Variants in ASB18 observed in about 807,000 individuals in gnomAD.
The protein encoded by ASB18 is ankyrin repeat and SOCS box containing 18.
A neutral mutation model predicts 33.4 loss-of-function variants in ASB18; 33 were observed. The observed-to-expected ratio is 0.99, with a 90% CI of 0.75 to 1.32. The LOEUF (loss-of-function observed/expected upper bound fraction) is 1.32. Among genes scored for constraint, ASB18 ranks in the 40% most tolerant of loss-of-function variants. The pLI, the probability that ASB18 is intolerant of heterozygous loss-of-function variation, is 0.00. For synonymous variants in ASB18, 295 were observed against 307.6 expected (o/e 0.96, Z 0.43); for missense variants, 694 against 655.5 (o/e 1.06, Z -0.64).
rs1224749636 is a variant in ASB18 at position 236,214,350 on chromosome 2, A to T, written c.1101+12T>A. On this transcript the variant is annotated intron_variant, in intron 4 of 5. Coordinates refer to ENST00000409749, the MANE Select transcript of ASB18 (RefSeq NM_212556.4). This position sits in a 1 kb window ranked among gnomAD's most constrained non-coding sequence, Gnocchi z 6.5. ...CCAGGGCACGTGCCAGCCGGGCTGGATCCTGCCTTACCTTGGGGAAGGCGT... is the reference window on the plus strand; with the variant it reads ...CCAGGGCACGTGCCAGCCGGGCTGGTTCCTGCCTTACCTTGGGGAAGGCGT... The T allele has an allele frequency of 6.4e-7, 1 of 1,566,552 alleles. No homozygotes were observed. The highest frequency in any genetic ancestry group is 8.6e-7 in the Non-Finnish European group (1 of 1,159,848).
In ASB18 at chr2:236,251,317, CTG is replaced by C. The variant is rs1209813616; in HGVS notation, c.206-9917_206-9916del. On this transcript the variant is annotated intron_variant, in intron 1 of 5. Coordinates refer to ENST00000409749, the MANE Select transcript of ASB18 (RefSeq NM_212556.4). This position sits in a 1 kb window ranked among gnomAD's most constrained non-coding sequence, Gnocchi z 5.3. The stretch of plus-strand genomic sequence containing the variant: ...AGCCCTGGAAGGACATTTATAGACT[CTG>C]GGGACGTTGCTGGAAAGCGTATCAT... Among the ~76,000 whole-genome samples the C allele has an allele frequency of 6.6e-6, 1 of 152,210 alleles. No homozygotes were observed. The highest frequency in any genetic ancestry group is 6.5e-5 in the Admixed American group (1 of 15,284).
At position 236,250,926 on chromosome 2, in the gene ASB18, A is replaced by G. The variant is rs201568360; in HGVS notation, c.206-9524T>C. 6.6e-6 allele frequency among the ~76,000 whole-genome samples: 1 copy of G among 152,228 alleles called. No individual in the cohort carries two copies. Among genetic ancestry groups the G allele is most frequent in the Non-Finnish European group, 1.5e-5 (1 of 68,042 alleles). On this transcript the variant is annotated intron_variant, in intron 1 of 5. Coordinates refer to ENST00000409749, the MANE Select transcript of ASB18 (RefSeq NM_212556.4). This position sits in a 1 kb window ranked among gnomAD's most constrained non-coding sequence, Gnocchi z 4.1. ...CACAGCACACCTCATTTAACAAAAC[A>G]TTAAAACATTTTACTTCCTCAGATC...
intron 4 of ASB18, chr2:236,210,669 G>GA (rs1315110619): frequency 6.6e-6 from 1 of 152,340 alleles, no homozygotes; most frequent in African/African-American, 2.4e-5. Context: ...GGAGGGGCTG[G>GA]AATGTGCTGG....
Position 236,245,697 on chromosome 2 carries a change from T to G in ASB18, c.206-4295A>C, listed in dbSNP as rs1333780037. Among the ~76,000 whole-genome samples the G allele has an allele frequency of 6.6e-6, 1 of 152,170 alleles. No homozygotes were observed. The highest frequency in any genetic ancestry group is 1.9e-4 in the East Asian group (1 of 5,164). On this transcript the variant is annotated intron_variant, in intron 1 of 5. Coordinates refer to ENST00000409749, the MANE Select transcript of ASB18 (RefSeq NM_212556.4). This position sits in a 1 kb window ranked among gnomAD's most constrained non-coding sequence, Gnocchi z 4.7. ...GCGCTCTACTATTACTGCTGGTTCCTTGTCTGTGTCCCACTTCACCATGAG... is the reference window on the plus strand; with the variant it reads ...GCGCTCTACTATTACTGCTGGTTCCGTGTCTGTGTCCCACTTCACCATGAG...
rs547398751 is a variant in ASB18, at chr2:236,217,592, C to T, written c.597-2726G>A. On this transcript the variant is annotated intron_variant, in intron 3 of 5. Coordinates refer to ENST00000409749, the MANE Select transcript of ASB18 (RefSeq NM_212556.4). The surrounding 1 kb of genome is among the most constrained non-coding windows in gnomAD (Gnocchi z 5.2). ...ATCTTTCAGCTTTTCTTTATATTGCCGCTGCTTTTCCTACTATATTAACCT... is the reference window on the plus strand; with the variant it reads ...ATCTTTCAGCTTTTCTTTATATTGCTGCTGCTTTTCCTACTATATTAACCT... Among the ~76,000 whole-genome samples, 10 of 152,046 alleles carry T rather than the reference C, an allele frequency of 6.6e-5. No individual in the cohort carries two copies. The highest frequency in any genetic ancestry group is 9.7e-5 in the African/African-American group (4 of 41,390).
In ASB18 at chr2:236,260,107, C is replaced by A. The variant is rs969047941; in HGVS notation, c.205+4034G>T. 5.3e-5 allele frequency among the ~76,000 whole-genome samples: 8 copies of A among 152,246 alleles called. No homozygotes were observed. Among genetic ancestry groups the A allele is most frequent in the Admixed American group, 5.2e-4 (8 of 15,286 alleles). ...GCAAGAGGCAAGGTCCTCAAGTGAT[C>A]ATGTTAACATGCAGAGCGAATGGTT... On this transcript the variant is annotated intron_variant, in intron 1 of 5. Transcript: ENST00000409749. This position sits in a 1 kb window ranked among gnomAD's most constrained non-coding sequence, Gnocchi z 5.1.
At position 236,225,797 on chromosome 2, in the gene ASB18, A is replaced by AT. The variant is rs530943171; in HGVS notation, c.597-10932dup. 0.19 allele frequency among the ~76,000 whole-genome samples: 28,331 copies of AT among 145,456 alleles called. 2,645 individuals are homozygous for AT. Among genetic ancestry groups the AT allele is most frequent in the South Asian group, 0.25 (1,119 of 4,538 alleles). On this transcript the variant is annotated intron_variant, in intron 3 of 5. Transcript: ENST00000409749. This position sits in a 1 kb window ranked among gnomAD's most constrained non-coding sequence, Gnocchi z 5.1. ...TGCTGGTTGGAAGGAAGCACAGGTA[A>AT]TTTTTTTTTTTTAATCCCAGGAACT...
chr2:236,256,994 A>G lies in ASB18; in HGVS notation c.205+7147T>C, dbSNP rs1317792823. 6.6e-6 allele frequency among the ~76,000 whole-genome samples: 1 copy of G among 152,204 alleles called. No homozygotes were observed. Among genetic ancestry groups the G allele is most frequent in the Admixed American group, 6.5e-5 (1 of 15,288 alleles). Reference sequence around the variant, plus strand: ...TAAAGAGAGGGCTGCTGCAGCAGCCATTTTGTTCCTAAATAATTCAACTAT... The same window carrying G: ...TAAAGAGAGGGCTGCTGCAGCAGCCGTTTTGTTCCTAAATAATTCAACTAT... On this transcript the variant is annotated intron_variant, in intron 1 of 5. Transcript: ENST00000409749. The surrounding 1 kb of genome is among the most constrained non-coding windows in gnomAD (Gnocchi z 4.7).
At chr2:236,261,516 C>T in intron 1 of ASB18, among the ~76,000 whole-genome samples, 1 of 152,234 alleles carries the variant, frequency 6.6e-6, no homozygotes, top group Non-Finnish European at 1.5e-5. Flanking sequence ...GATAAAGTCA[C>T]TGATAACGCG....
In ASB18 at chr2:236,214,913, G is replaced by T. The variant is rs547631783; in HGVS notation, c.597-47C>A. On this transcript the variant is annotated intron_variant, in intron 3 of 5. Transcript: ENST00000409749. The surrounding 1 kb of genome is among the most constrained non-coding windows in gnomAD (Gnocchi z 6.5). ...CACTCGGGCGCCACGCAGGACGCCC[G>T]CACCCTTCCACCCCCGGCCTGCTGC... The T allele has an allele frequency of 5.3e-3, 6,394 of 1,198,474 alleles. 22 individuals carry two copies. Among genetic ancestry groups the T allele is most frequent in the Non-Finnish European group, 6.3e-3 (6,103 of 966,380 alleles). 74.2% of individuals were successfully genotyped at this position (1,198,474 alleles called of 1,614,324 possible). A position where few individuals can be genotyped will look rare whatever the true frequency, so the allele number is the denominator to read the frequency against.
Position 236,249,177 on chromosome 2 carries a change from C to T in ASB18, c.206-7775G>A, listed in dbSNP as rs567827932. The stretch of plus-strand genomic sequence containing the variant: ...CATTGGGACTCTTGGCTTTGTAGAA[C>T]TGAGAGTCCCTCTGAGAACTCCAGA... On this transcript the variant is annotated intron_variant, in intron 1 of 5. Transcript: ENST00000409749. This position sits in a 1 kb window ranked among gnomAD's most constrained non-coding sequence, Gnocchi z 4.6. The T allele has an allele frequency of 6.6e-6, 1 of 152,336 alleles. No individual in the cohort carries two copies. The highest frequency in any genetic ancestry group is 2.1e-4 in the South Asian group (1 of 4,824). The allele number at this position is 152,336 out of a possible 1,614,324, so 9.4% of individuals were successfully genotyped here.
rs1574674379 is a variant in ASB18, at chr2:236,259,148, G to A, written c.205+4993C>T. On this transcript the variant is annotated intron_variant, in intron 1 of 5. Coordinates refer to ENST00000409749, the MANE Select transcript of ASB18 (RefSeq NM_212556.4). The surrounding 1 kb of genome is among the most constrained non-coding windows in gnomAD (Gnocchi z 4.4). ...AAAAGAGGCAAGCACAAATAATGCA[G>A]TTGTTGCTAATATTAAACAGTAGAG... Among the ~76,000 whole-genome samples the A allele has an allele frequency of 2.0e-5, 3 of 152,324 alleles. No individual in the cohort carries two copies. Among genetic ancestry groups the A allele is most frequent in the East Asian group, 1.9e-4 (1 of 5,186 alleles).
rs556009661 is a variant in ASB18 at position 236,236,319 on chromosome 2, A to C, written c.596+1370T>G. ...GATTCCATTTATACAAAATTCTAGA[A>C]AATTCAGACTAAGCCAAGTAATAGA... On this transcript the variant is annotated intron_variant, in intron 3 of 5. Coordinates refer to ENST00000409749, the MANE Select transcript of ASB18 (RefSeq NM_212556.4). Among the ~76,000 whole-genome samples the C allele has an allele frequency of 2.0e-5, 3 of 152,262 alleles. No homozygotes were observed. The East Asian group carries it at 5.8e-4, about 29-fold the overall frequency.
rs182414446 is a variant in ASB18, at chr2:236,256,963, T to C, written c.205+7178A>G. Among the ~76,000 whole-genome samples, 3 of 152,272 alleles carry C rather than the reference T, an allele frequency of 2.0e-5. No individual in the cohort carries two copies. The highest frequency in any genetic ancestry group is 4.4e-5 in the Non-Finnish European group (3 of 68,026). ...TTCTAGGTGGTGGGAGATATTTTTC[T>C]GTATTTAAAGAGAGGGCTGCTGCAG... On this transcript the variant is annotated intron_variant, in intron 1 of 5. Transcript: ENST00000409749. This position sits in a 1 kb window ranked among gnomAD's most constrained non-coding sequence, Gnocchi z 4.7.
chr2:236,245,207 C>T lies in ASB18; in HGVS notation c.206-3805G>A, dbSNP rs1215186136. Among the ~76,000 whole-genome samples, 2 of 152,206 alleles carry T rather than the reference C, an allele frequency of 1.3e-5. No individual in the cohort carries two copies. The highest frequency in any genetic ancestry group is 2.9e-5 in the Non-Finnish European group (2 of 68,044). Reference sequence around the variant, plus strand: ...GCTCAGCTCTGGGGCTGCAGAAGGGCCCATTGGGCTTAGCTCTTGTGGGGT... The same window carrying T: ...GCTCAGCTCTGGGGCTGCAGAAGGGTCCATTGGGCTTAGCTCTTGTGGGGT... On this transcript the variant is annotated intron_variant, in intron 1 of 5. Coordinates refer to ENST00000409749, the MANE Select transcript of ASB18 (RefSeq NM_212556.4). The surrounding 1 kb of genome is among the most constrained non-coding windows in gnomAD (Gnocchi z 4.7).
At position 236,193,832 on chromosome 2, in the gene ASB18, G is replaced by C. The variant is rs1165484536; in HGVS notation, c.*1040C>G. ...TGATTCCTGGGCAAGGCCACTGTCT[G>C]TATGGGTTTTCTCTGGGTGCTCCAG... is the stretch of plus-strand genomic sequence containing the variant. On this transcript the variant is annotated 3_prime_UTR_variant, in exon 6 of 6. Transcript: ENST00000409749. The surrounding 1 kb of genome is among the most constrained non-coding windows in gnomAD (Gnocchi z 5.0). Among the ~76,000 whole-genome samples, 1 of 152,042 alleles carries C rather than the reference G, an allele frequency of 6.6e-6. No individual in the cohort carries two copies. The highest frequency in any genetic ancestry group is 1.5e-5 in the Non-Finnish European group (1 of 68,020).
rs2106284517 is a variant in ASB18 at position 236,251,835 on chromosome 2, C to G, written c.206-10433G>C. On this transcript the variant is annotated intron_variant, in intron 1 of 5. Transcript: ENST00000409749. The surrounding 1 kb of genome is among the most constrained non-coding windows in gnomAD (Gnocchi z 5.3). ...CTATTGTGAAAGATTTTTTAAAAGT[C>G]AAGTTTTTGAAGAGTTCAGTGACAC... 6.6e-6 allele frequency among the ~76,000 whole-genome samples: 1 copy of G among 152,248 alleles called. No individual in the cohort carries two copies. The highest frequency in any genetic ancestry group is 3.4e-3 in the Middle Eastern group (1 of 294).
rs1339628049 is a variant in ASB18 at position 236,237,362 on chromosome 2, GGGGGCCGGGGC to G, written c.596+316_596+326del. On this transcript the variant is annotated intron_variant, in intron 3 of 5. Coordinates refer to ENST00000409749, the MANE Select transcript of ASB18 (RefSeq NM_212556.4). The surrounding 1 kb of genome is among the most constrained non-coding windows in gnomAD (Gnocchi z 6.2). Reference sequence around the variant, plus strand: ...GGGGGCCGGGGCCGGGGCGCGGGGCGGGGGCCGGGGCCGGGGCGCGGGGCGGGGGCCGGGGC... The same window carrying G: ...GGGGGCCGGGGCCGGGGCGCGGGGCGCGGGGCGCGGGGCGGGGGCCGGGGC... Among the ~76,000 whole-genome samples, 403 of 97,504 alleles carry G rather than the reference GGGGGCCGGGGC, an allele frequency of 4.1e-3. 8 individuals are homozygous for G. Among genetic ancestry groups the G allele is most frequent in the African/African-American group, 0.014 (376 of 27,772 alleles). The allele number at this position is 97,504 out of a possible 152,430, so 64.0% of individuals were successfully genotyped here.
intron 4 of ASB18, among the ~76,000 whole-genome samples, chr2:236,202,777 C>CA (rs34973734): frequency 0.068 from 4,631 of 68,576 alleles, 225 homozygotes; most frequent in East Asian, 0.13. Context: ...GACTCCGTCT[C>CA]AAAAAAAAAA....
Sources: gnomAD v4.1 joint callset for allele counts (sites outside exome capture counted in the v4.1 genomes callset) on GRCh38, gnomAD v4.1.1 for gene constraint, Gnocchi (gnomAD v3.1) non-coding constraint, MANE v1.5 for transcripts, NCBI Gene and HGNC (gene_info 2026-07-23, HGNC 2026-07-21) for gene names.